The following TEKTL1 variants were observed in gnomAD, a reference collection of about 807,000 sequenced individuals.
TEKTL1 encodes tektin like 1.
chr19:15,018,529 T>C, the TEKTL1 span, among the ~76,000 whole-genome samples: 1 of 150,408 alleles, frequency 6.6e-6, no homozygotes, highest in East Asian at 2.0e-4. Flanking sequence ...GACAACATAG[T>C]AAGACCGCGT....
the TEKTL1 span, among the ~76,000 whole-genome samples, chr19:15,018,371 T>C: frequency 6.6e-6 from 1 of 151,904 alleles, no homozygotes. Flanking sequence ...TTATGCACAG[T>C]ACCATAAACA....
the TEKTL1 span, chr19:15,022,966 C>T: frequency 6.2e-7 from 1 of 1,613,458 alleles, no homozygotes; most frequent in Non-Finnish European, 8.5e-7. Context: ...GCCTCAACTG[C>T]AAGAACATCG....
At chr19:15,020,035 C>T in the TEKTL1 span, among the ~76,000 whole-genome samples, 1 of 149,406 alleles carries the variant, frequency 6.7e-6, no homozygotes, top group Non-Finnish European at 1.5e-5. Context: ...AAATTAGGCA[C>T]ACTGCCTCAC....
the TEKTL1 span, among the ~76,000 whole-genome samples, chr19:15,021,108 T>C: frequency 1.3e-4 from 19 of 151,996 alleles, no homozygotes; most frequent in Non-Finnish European, 1.5e-5. Context: ...CTCGAACTCC[T>C]GACCTCAGGT....
the TEKTL1 span, chr19:15,023,003 C>T: frequency 1.1e-5 from 17 of 1,610,066 alleles, no homozygotes; most frequent in Non-Finnish European, 1.4e-5. Flanking sequence ...CAACGTGGTG[C>T]GCCTGCGCCT....
At chr19:15,022,624 C>T in the TEKTL1 span, among the ~76,000 whole-genome samples, 2 of 151,924 alleles carry the variant, frequency 1.3e-5, no homozygotes, top group Non-Finnish European at 2.9e-5. Flanking sequence ...CCACCGCGTC[C>T]GGCCCTGAGC....
the TEKTL1 span, among the ~76,000 whole-genome samples, chr19:15,012,845 A>G: frequency 6.6e-6 from 1 of 152,080 alleles, no homozygotes; most frequent in Non-Finnish European, 1.5e-5. Flanking sequence ...TGAGACCCTC[A>G]GTGCCCCAGT....
At chr19:15,020,600 C>A in the TEKTL1 span, 32 of 1,614,138 alleles carry the variant, frequency 2.0e-5, no homozygotes, top group South Asian at 3.3e-4. Flanking sequence ...CGAGCCCCCA[C>A]TCCACGCACA....
chr19:15,022,460 C>A, the TEKTL1 span, among the ~76,000 whole-genome samples: 16 of 152,060 alleles, frequency 1.1e-4, no homozygotes, highest in African/African-American at 3.9e-4. Flanking sequence ...TCCTGAGTAG[C>A]TGGGATTACA....
chr19:15,013,897 A>G, the TEKTL1 span: 2 of 638,958 alleles, frequency 3.1e-6, no homozygotes, highest in Non-Finnish European at 2.8e-6. Flanking sequence ...CACTGACCAG[A>G]TATTCACTGC....
the TEKTL1 span, chr19:15,021,251 C>G: frequency 4.1e-6 from 6 of 1,448,178 alleles, no homozygotes; most frequent in South Asian, 4.1e-5. Context: ...CTCAATAAAA[C>G]CCCCTCGCCC....
At chr19:15,023,140 C>A in the TEKTL1 span, 6 of 1,557,740 alleles carry the variant, frequency 3.9e-6, no homozygotes, top group Middle Eastern at 1.9e-4. Flanking sequence ...GTCCCCCGCC[C>A]CAGCCAGCTG....
the TEKTL1 span, chr19:15,011,028 T>A: frequency 6.3e-7 from 1 of 1,580,570 alleles, no homozygotes; most frequent in Non-Finnish European, 8.6e-7. Context: ...GCCGCCTACA[T>A]CCAGCCCTGG....
the TEKTL1 span, chr19:15,022,734 T>TTTC: frequency 3.4e-6 from 3 of 892,960 alleles, no homozygotes; most frequent in Non-Finnish European, 4.9e-6. Context: ...TTTTTTTTTT[T>TTTC]CCAGGCACAC....
the TEKTL1 span, chr19:15,022,006 C>A: frequency 9.7e-7 from 1 of 1,027,160 alleles, no homozygotes; most frequent in Non-Finnish European, 1.4e-6. Context: ...AGGTATGATC[C>A]CCCTCTCACC....
At chr19:15,016,514 TC>T in the TEKTL1 span, among the ~76,000 whole-genome samples, 5 of 152,114 alleles carry the variant, frequency 3.3e-5, no homozygotes, top group Admixed American at 3.3e-4. Flanking sequence ...GGTCACTGTA[TC>T]CCCACCACCT....
chr19:15,018,514 G>T, the TEKTL1 span, among the ~76,000 whole-genome samples: 1 of 151,222 alleles, frequency 6.6e-6, no homozygotes, highest in Admixed American at 6.6e-5. Context: ...TTTGAGACAA[G>T]CCTGGACAAC....
At chr19:15,021,251 C>A in the TEKTL1 span, 2 of 1,448,178 alleles carry the variant, frequency 1.4e-6, no homozygotes, top group East Asian at 4.9e-5. Context: ...CTCAATAAAA[C>A]CCCCTCGCCC....
At chr19:15,021,388 T>C in the TEKTL1 span, 2 of 1,614,254 alleles carry the variant, frequency 1.2e-6, no homozygotes, top group Admixed American at 1.7e-5. Context: ...CAAGCGGTTG[T>C]TGGTCGAGTC....
Sources: gnomAD v4.1 joint callset for allele counts (sites outside exome capture counted in the v4.1 genomes callset) on GRCh38, gnomAD v4.1.1 for gene constraint, MANE v1.5 for transcripts, NCBI Gene and HGNC (gene_info 2026-07-23, HGNC 2026-07-21) for gene names.